Variants in LYRM1 observed in about 807,000 individuals in gnomAD.
LYRM1 encodes LYR motif containing 1.
LYRM1 carries 14 observed loss-of-function variants against 14.9 expected under a neutral mutation model. That is an observed-to-expected ratio of 0.94 (90% CI 0.62 to 1.47). LYRM1 has a LOEUF of 1.47. Among genes scored for constraint, LYRM1 ranks in the 40% most tolerant of loss-of-function variants. The probability of loss-of-function intolerance (pLI) is 0.00; values close to 1 mark genes in which losing one functional copy is unlikely to be tolerated. For synonymous variants in LYRM1, 43 were observed against 56.2 expected (o/e 0.77, Z 1.05); for missense variants, 153 against 149.9 (o/e 1.02, Z -0.11).
intron 1 of LYRM1, among the ~76,000 whole-genome samples, chr16:20,904,921 T>G (rs371015027): frequency 6.6e-6 from 1 of 152,136 alleles, no homozygotes; most frequent in South Asian, 2.1e-4. Flanking sequence ...TGGTCATGCC[T>G]TTGGTGTTGG....
intron 2 of LYRM1, among the ~76,000 whole-genome samples, chr16:20,918,643 C>A (rs1186585531): frequency 1.3e-5 from 2 of 152,152 alleles, no homozygotes; most frequent in East Asian, 3.9e-4. Flanking sequence ...CCCCCTTAAC[C>A]ATATCTTTGT....
rs200203461 is a variant in LYRM1 at position 20,923,982 on chromosome 16, A to G, written c.253-18A>G. On this transcript the variant is annotated intron_variant, in intron 3 of 3. Transcript: ENST00000567954. ...AATGATGATGAATATGATTCTTCAT[A>G]TTATTGTTCTTATTCAGATTCATCT... The G allele has an allele frequency of 1.5e-6, 2 of 1,351,960 alleles. No individual in the cohort carries two copies. The highest frequency in any genetic ancestry group is 2.1e-6 in the Non-Finnish European group (2 of 951,990). The allele number at this position is 1,351,960 out of a possible 1,614,324, so 83.7% of individuals were successfully genotyped here.
At chr16:20,923,317 T>C (rs1404588588) in intron 3 of LYRM1, among the ~76,000 whole-genome samples, 1 of 151,894 alleles carries the variant, frequency 6.6e-6, no homozygotes, top group South Asian at 2.1e-4. Context: ...CTGGCTAACA[T>C]GGCAAAACCC....
At chr16:20,902,416 C>T (rs911070847) in intron 1 of LYRM1, 1 of 152,156 alleles carries the variant, frequency 6.6e-6, no homozygotes, top group African/African-American at 2.4e-5. Flanking sequence ...GAGGAGCTCC[C>T]AGATCACCTA....
chr16:20,907,504 G>A (rs2082382103), intron 1 of LYRM1, among the ~76,000 whole-genome samples: 1 of 152,112 alleles, frequency 6.6e-6, no homozygotes, highest in Admixed American at 6.5e-5. Flanking sequence ...GGGCTTATAG[G>A]CATGAGCCAC....
At chr16:20,918,171 G>T (rs1883507332) in intron 2 of LYRM1, among the ~76,000 whole-genome samples, 1 of 152,128 alleles carries the variant, frequency 6.6e-6, no homozygotes, top group Non-Finnish European at 1.5e-5. Flanking sequence ...TTTGATAGTT[G>T]AAGGCACTGT....
In LYRM1 at chr16:20,901,445, A is replaced by T. The variant is rs1283090274; in HGVS notation, c.-1+556A>T. On this transcript the variant is annotated intron_variant, in intron 1 of 3. Transcript: ENST00000567954. The surrounding 1 kb of genome is among the most constrained non-coding windows in gnomAD (Gnocchi z 4.6). The stretch of plus-strand genomic sequence containing the variant: ...GGATGAGGTGACAGAAGATGGGGGG[A>T]GGGCCCCTCGAAATCGGGTAAGGTC... 3.9e-5 allele frequency among the ~76,000 whole-genome samples: 6 copies of T among 152,108 alleles called. No individual in the cohort carries two copies. The highest frequency in any genetic ancestry group is 3.9e-4 in the Admixed American group (6 of 15,272).
intron 1 of LYRM1, among the ~76,000 whole-genome samples, chr16:20,902,139 G>A (rs186266800): frequency 3.9e-5 from 6 of 152,340 alleles, no homozygotes; most frequent in Non-Finnish European, 7.3e-5. Flanking sequence ...CTCAGTCACA[G>A]TGGAAATGGA....
chr16:20,910,987 G>A (rs2082564464), intron 1 of LYRM1, among the ~76,000 whole-genome samples: 1 of 152,166 alleles, frequency 6.6e-6, no homozygotes, highest in African/African-American at 2.4e-5. Flanking sequence ...TTTAGGGAGA[G>A]CCAGAAACTC....
intron 3 of LYRM1, among the ~76,000 whole-genome samples, chr16:20,923,145 A>G (rs2083283009): frequency 1.3e-5 from 2 of 152,174 alleles, no homozygotes; most frequent in African/African-American, 4.8e-5. Context: ...ACACCCTCAC[A>G]GATACACCTA....
intron 1 of LYRM1, among the ~76,000 whole-genome samples, chr16:20,914,041 C>T (rs1168826207): frequency 6.6e-6 from 1 of 152,032 alleles, no homozygotes; most frequent in Non-Finnish European, 1.5e-5. Context: ...ATCTCCTGAC[C>T]TCGTGATCCA....
intron 3 of LYRM1, among the ~76,000 whole-genome samples, chr16:20,922,237 G>C (rs1409000200): frequency 6.6e-6 from 1 of 151,734 alleles, no homozygotes; most frequent in Non-Finnish European, 1.5e-5. Context: ...TGATCCGCCT[G>C]CCTTGGCCTC....
At chr16:20,922,446 A>C (rs537440928) in intron 3 of LYRM1, among the ~76,000 whole-genome samples, 2 of 152,250 alleles carry the variant, frequency 1.3e-5, no homozygotes, top group South Asian at 4.1e-4. Context: ...TTGGCTCTCT[A>C]TTTATCTAGA....
intron 3 of LYRM1, chr16:20,920,492 T>C: frequency 2.5e-6 from 1 of 401,760 alleles, no homozygotes; most frequent in South Asian, 3.9e-5. Flanking sequence ...TCATCTTTTT[T>C]ATGGAAATGT....
chr16:20,903,120 A>T lies in LYRM1; in HGVS notation c.-1+2231A>T, dbSNP rs544802233. 2.6e-5 allele frequency among the ~76,000 whole-genome samples: 4 copies of T among 152,360 alleles called. No individual in the cohort carries two copies. In the South Asian group the frequency reaches 8.3e-4, roughly 32 times the overall value. On this transcript the variant is annotated intron_variant, in intron 1 of 3. Transcript: ENST00000567954. ...ATTTGAAGTTGCATACTGACAAGACAGATATTGCCTGCAAACATATTGTTC... is the reference window on the plus strand; with the variant it reads ...ATTTGAAGTTGCATACTGACAAGACTGATATTGCCTGCAAACATATTGTTC...
At chr16:20,903,278 G>A (rs920727565) in intron 1 of LYRM1, among the ~76,000 whole-genome samples, 4 of 152,154 alleles carry the variant, frequency 2.6e-5, no homozygotes, top group African/African-American at 9.7e-5. Flanking sequence ...GTTCCTAGAG[G>A]TTCCTACACA....
In LYRM1 at chr16:20,909,422, CT is replaced by C. The variant is rs1376732772; in HGVS notation, c.1-6130del. Among the ~76,000 whole-genome samples, 9 of 152,286 alleles carry C rather than the reference CT, an allele frequency of 5.9e-5. No homozygotes were observed. The East Asian group carries it at 1.7e-3, about 29-fold the overall frequency. On this transcript the variant is annotated intron_variant, in intron 1 of 3. Transcript: ENST00000567954. The stretch of plus-strand genomic sequence containing the variant: ...CAGAATAAAGATTATAGAAGGTTAA[CT>C]TTTAAAAATCTACATGGATAGACTT...
At chr16:20,906,866 G>A (rs2082346843) in intron 1 of LYRM1, among the ~76,000 whole-genome samples, 1 of 152,176 alleles carries the variant, frequency 6.6e-6, no homozygotes, top group African/African-American at 2.4e-5. Flanking sequence ...GTCTGGGTAT[G>A]CCTTGTACAG....
intron 1 of LYRM1, among the ~76,000 whole-genome samples, chr16:20,913,194 A>G (rs1403194562): frequency 6.6e-6 from 1 of 151,772 alleles, no homozygotes; most frequent in Non-Finnish European, 1.5e-5. Flanking sequence ...GATTCCTTCT[A>G]GGAGAGGAAG....
Sources: allele counts gnomAD v4.1 joint callset (sites outside exome capture counted in the v4.1 genomes callset), GRCh38; gene constraint gnomAD v4.1.1; non-coding constraint Gnocchi (gnomAD v3.1); transcripts MANE v1.5; gene names NCBI Gene and HGNC (gene_info 2026-07-23, HGNC 2026-07-21).